SCN2A: variants seen among roughly 807,000 people sequenced by gnomAD.
The protein encoded by SCN2A is sodium voltage-gated channel alpha subunit 2.
A neutral mutation model predicts 188.7 loss-of-function variants in SCN2A; 20 were observed. The observed-to-expected ratio is 0.11, with a 90% CI of 0.07 to 0.15. The LOEUF (loss-of-function observed/expected upper bound fraction) is 0.15, where lower values mean the gene tolerates loss of function less well. Among genes scored for constraint, SCN2A ranks in the 10% least tolerant of loss-of-function variants. SCN2A has a pLI of 1.00. For synonymous variants in SCN2A, 804 were observed against 833.1 expected (o/e 0.97, Z 0.60); for missense variants, 1,278 against 2,445.0 (o/e 0.52, Z 10.07).
chr2:165,375,243 C>A (rs538323012), intron 22 of SCN2A, among the ~76,000 whole-genome samples: 1 of 151,936 alleles, frequency 6.6e-6, no homozygotes, highest in South Asian at 2.1e-4. Flanking sequence ...GGTATATATA[C>A]AAAGGAAATT....
chr2:165,317,712 A>G lies in SCN2A; in HGVS notation c.1671+1954A>G, dbSNP rs183573343. 3.4e-4 allele frequency among the ~76,000 whole-genome samples: 51 copies of G among 152,230 alleles called. 2 individuals are homozygous for G. The highest frequency in any genetic ancestry group is 3.0e-3 in the Admixed American group (46 of 15,282). ...AGCAGCCTCTTCTTCATACCTCTAC[A>G]TACCTCCATTTCCCAGCTAGTTGGG... On this transcript the variant is annotated intron_variant, in intron 11 of 26. Coordinates refer to ENST00000375437, the MANE Select transcript of SCN2A (RefSeq NM_001040142.2).
intron 8 of SCN2A, 77 bp from the exon 9 acceptor site, chr2:165,313,543 G>A: frequency 1.3e-6 from 2 of 1,550,060 alleles, no homozygotes; most frequent in Non-Finnish European, 1.8e-6. Context: ...ACAGACATTG[G>A]CATATATTAA....
intron 11 of SCN2A, among the ~76,000 whole-genome samples, chr2:165,322,936 A>C (rs1335419390): frequency 1.3e-5 from 2 of 152,130 alleles, no homozygotes; most frequent in East Asian, 3.9e-4. Context: ...TGGAAAATGG[A>C]GGAAGGAGAA....
At position 165,374,061 on chromosome 2, in the gene SCN2A, A is replaced by C. The variant is rs530128736; in HGVS notation, c.3973-624A>C. Among the ~76,000 whole-genome samples, 39 of 152,236 alleles carry C rather than the reference A, an allele frequency of 2.6e-4. No individual in the cohort carries two copies. In the South Asian group the frequency reaches 3.9e-3, roughly 15 times the overall value. ...ACTAGCTCATATTTTCTAACTAAGA[A>C]AATAGTTACTTAGACTTTATCTAGT... On this transcript the variant is annotated intron_variant, in intron 21 of 26. Transcript: ENST00000375437.
rs1231094286 is a variant in SCN2A at position 165,354,320 on chromosome 2, T to C, written c.3048T>C (p.Phe1016=). The change falls in exon 17 of 27, where the codon TTT becomes TTC. Residue 1016 remains phenylalanine, a synonymous_variant. Coordinates refer to ENST00000375437, the MANE Select transcript of SCN2A (RefSeq NM_001040142.2). ...AVGRMQKGID[F]VKRKIREFIQ... ...GAAGGATGCAGAAAGGAATCGATTTTGTTAAAAGAAAAATACGTGAATTTA... is the reference window on the plus strand; with the variant it reads ...GAAGGATGCAGAAAGGAATCGATTTCGTTAAAAGAAAAATACGTGAATTTA... 2.5e-6 allele frequency: 4 copies of C among 1,614,000 alleles called. No homozygotes were observed. The Admixed American group carries it at 6.7e-5, about 27-fold the overall frequency.
rs1323805020 is a variant in SCN2A at position 165,323,485 on chromosome 2, G to C, written c.2001G>C (p.Gly667=). ...VGGPSTLTSA[G]QLLPEGTTTE... ...GCCCTTCTACCCTCACATCTGCTGG[G>C]CAGCTCCTACCAGAGGTGAGGCCAA... Residue 667 remains glycine (G), a synonymous_variant, in exon 12 of 27, where the codon GGG becomes GGC. Transcript: ENST00000375437. 4.3e-6 allele frequency: 7 copies of C among 1,612,820 alleles called. No homozygotes were observed. In the Admixed American group the frequency reaches 5.0e-5, roughly 12 times the overall value.
At chr2:165,320,791 C>T (rs142081527) in intron 11 of SCN2A, among the ~76,000 whole-genome samples, 2,566 of 152,260 alleles carry the variant, frequency 0.017, 35 homozygotes, top group Middle Eastern at 0.034. Context: ...ACTCTGGACC[C>T]GGCACATGAA....
intron 14 of SCN2A, among the ~76,000 whole-genome samples, chr2:165,336,873 G>A (rs1699028103): frequency 1.3e-5 from 2 of 151,862 alleles, no homozygotes; most frequent in African/African-American, 2.4e-5. Context: ...TAGATTTCCA[G>A]GATTGAAGTA....
At chr2:165,360,690 A>G (rs1417633065) in intron 17 of SCN2A, among the ~76,000 whole-genome samples, 3 of 151,952 alleles carry the variant, frequency 2.0e-5, no homozygotes, top group Non-Finnish European at 4.4e-5. Context: ...GGCAAGGGCT[A>G]TGCTACAAAC....
At chr2:165,367,765 G>A (rs908390705) in intron 19 of SCN2A, among the ~76,000 whole-genome samples, 9 of 152,182 alleles carry the variant, frequency 5.9e-5, no homozygotes, top group African/African-American at 1.9e-4. Context: ...CGGTAGGAGC[G>A]AACTCCACTC....
At chr2:165,312,645 A>T (rs923087394) in intron 8 of SCN2A, among the ~76,000 whole-genome samples, 5 of 152,118 alleles carry the variant, frequency 3.3e-5, no homozygotes, top group Non-Finnish European at 7.4e-5. Flanking sequence ...GAAGTGGATT[A>T]ATAAATGTAT....
At chr2:165,286,064 G>C (rs1384934741) in intron 1 of SCN2A, 1 of 165,214 alleles carries the variant, frequency 6.1e-6, no homozygotes, top group African/African-American at 2.4e-5. Context: ...CGAACCAGGA[G>C]AGCCTTATCC....
intron 1 of SCN2A, among the ~76,000 whole-genome samples, chr2:165,262,271 C>T (rs1405712256): frequency 1.3e-5 from 2 of 152,082 alleles, no homozygotes; most frequent in Admixed American, 1.3e-4. Context: ...TGTTTGGTTA[C>T]ATGGATGAGT....
At chr2:165,362,513 T>C (rs1700514171) in intron 17 of SCN2A, among the ~76,000 whole-genome samples, 2 of 152,080 alleles carry the variant, frequency 1.3e-5, no homozygotes, top group African/African-American at 4.8e-5. Context: ...TTTGGCAAAT[T>C]GCTAATTTGA....
At chr2:165,283,894 GACA>G (rs1007574916) in intron 1 of SCN2A, among the ~76,000 whole-genome samples, 15 of 152,128 alleles carry the variant, frequency 9.9e-5, no homozygotes, top group Non-Finnish European at 1.8e-4. Flanking sequence ...TTTGAAAAGT[GACA>G]ACAATACTAC....
At chr2:165,345,706 A>T (rs887855676) in intron 16 of SCN2A, among the ~76,000 whole-genome samples, 6 of 152,138 alleles carry the variant, frequency 3.9e-5, no homozygotes, top group African/African-American at 1.4e-4. Context: ...TAGCCCATTT[A>T]CATTTAAGGT....
chr2:165,353,002 A>G (rs970509076), intron 16 of SCN2A, among the ~76,000 whole-genome samples: 3 of 150,874 alleles, frequency 2.0e-5, no homozygotes, highest in African/African-American at 7.3e-5. Flanking sequence ...AAAAAAAATT[A>G]TATGACTCAG....
At chr2:165,350,497 G>C (rs367588354) in intron 16 of SCN2A, among the ~76,000 whole-genome samples, 4,113 of 99,066 alleles carry the variant, frequency 0.042, 324 homozygotes, top group African/African-American at 0.17. Context: ...TTTTGAGACG[G>C]AGTCTCGCTC....
At chr2:165,271,016 T>G (rs1695081033) in intron 1 of SCN2A, 1 of 152,066 alleles carries the variant, frequency 6.6e-6, no homozygotes, top group African/African-American at 2.4e-5. Context: ...TCTAAGATTG[T>G]TGTACATGAT....
Sources: allele counts gnomAD v4.1 joint callset (sites outside exome capture counted in the v4.1 genomes callset), GRCh38; gene constraint gnomAD v4.1.1; transcripts MANE v1.5; gene names NCBI Gene and HGNC (gene_info 2026-07-23, HGNC 2026-07-21).